Variants in WWOX observed in about 807,000 individuals in gnomAD.
The protein encoded by WWOX is WW domain containing oxidoreductase.
A neutral mutation model predicts 46.2 loss-of-function variants in WWOX; 69 were observed. The ratio of observed to expected loss-of-function variants is 1.49; its 90% CI spans 1.23 to 1.82. WWOX has a LOEUF of 1.82. Ranked by LOEUF, WWOX falls within the 40% of genes most tolerant of loss-of-function variation. WWOX has a pLI of 0.00. For synonymous variants in WWOX, 359 were observed against 202.6 expected, an observed-to-expected ratio of 1.77 and a Z score of -6.56; for missense variants, 919 against 542.6, an observed-to-expected ratio of 1.69 and a Z score of -6.89.
intron 6 of WWOX, among the ~76,000 whole-genome samples, chr16:78,407,043 A>G (rs2082565921): frequency 6.6e-6 from 1 of 152,134 alleles, no homozygotes; most frequent in South Asian, 2.1e-4. Flanking sequence ...AGTAGATTTG[A>G]CCTTACCTGG....
chr16:79,190,021 T>A (rs2150805551), intron 8 of WWOX, among the ~76,000 whole-genome samples: 1 of 152,198 alleles, frequency 6.6e-6, no homozygotes. Flanking sequence ...TCATAACGCC[T>A]TGTTTTTTAA....
chr16:78,899,374 T>A (rs946570739), intron 8 of WWOX: 1 of 152,230 alleles, frequency 6.6e-6, no homozygotes, highest in Non-Finnish European at 1.5e-5. Context: ...GAAACCTAAC[T>A]CCAAATCTTT....
chr16:78,497,024 A>C (rs1416484992), intron 8 of WWOX, among the ~76,000 whole-genome samples: 2 of 152,252 alleles, frequency 1.3e-5, no homozygotes, highest in Non-Finnish European at 2.9e-5. Flanking sequence ...GAGGAAGGCA[A>C]AGTCAGAAAT....
chr16:79,129,768 A>G (rs2049837739), intron 8 of WWOX, among the ~76,000 whole-genome samples: 1 of 152,170 alleles, frequency 6.6e-6, no homozygotes, highest in Non-Finnish European at 1.5e-5. Context: ...TGAATTATCT[A>G]GCTCATTCAA....
intron 8 of WWOX, among the ~76,000 whole-genome samples, chr16:78,439,825 T>C (rs1378933031): frequency 1.3e-5 from 2 of 152,218 alleles, no homozygotes; most frequent in African/African-American, 2.4e-5. Flanking sequence ...TCTTTACTTT[T>C]CCCTCATGCT....
At chr16:78,351,119 TA>T (rs2081175285) in intron 5 of WWOX, among the ~76,000 whole-genome samples, 1 of 152,220 alleles carries the variant, frequency 6.6e-6, no homozygotes, top group Admixed American at 6.5e-5. Context: ...GTCACACCTG[TA>T]ATCATGCCCA....
intron 8 of WWOX, among the ~76,000 whole-genome samples, chr16:79,079,568 A>G (rs149714513): frequency 6.6e-6 from 1 of 152,134 alleles, no homozygotes; most frequent in Middle Eastern, 3.4e-3. Flanking sequence ...TGGTGCTTTA[A>G]TTTTTGCCTG....
intron 5 of WWOX, among the ~76,000 whole-genome samples, chr16:78,321,122 TGGG>T (rs1482649384): frequency 6.6e-6 from 1 of 152,038 alleles, no homozygotes; most frequent in South Asian, 2.1e-4. Flanking sequence ...GTAGAAAAGT[TGGG>T]TACATAAAAT....
At chr16:78,900,787 C>T (rs996874411) in intron 8 of WWOX, among the ~76,000 whole-genome samples, 1 of 151,538 alleles carries the variant, frequency 6.6e-6, no homozygotes, top group African/African-American at 2.4e-5. Flanking sequence ...ACGTAATAAC[C>T]TCTCTTTTTT....
At chr16:78,638,033 G>A (rs373414228) in intron 8 of WWOX, among the ~76,000 whole-genome samples, 1 of 152,126 alleles carries the variant, frequency 6.6e-6, no homozygotes, top group South Asian at 2.1e-4. Flanking sequence ...TGGGAAGCTT[G>A]CTCACATCAT....
intron 8 of WWOX, among the ~76,000 whole-genome samples, chr16:78,531,160 A>G (rs1945572585): frequency 6.6e-6 from 1 of 152,236 alleles, no homozygotes; most frequent in Admixed American, 6.5e-5. Context: ...CTCACAATGT[A>G]GAAATTAAGC....
chr16:78,462,860 T>C (rs372482865), intron 8 of WWOX, among the ~76,000 whole-genome samples: 1 of 152,342 alleles, frequency 6.6e-6, no homozygotes, highest in Admixed American at 6.5e-5. Context: ...AAATTTTTGT[T>C]GCTTTCCTGG....
intron 8 of WWOX, among the ~76,000 whole-genome samples, chr16:78,911,105 A>G (rs1253556339): frequency 6.6e-6 from 1 of 151,932 alleles, no homozygotes; most frequent in Non-Finnish European, 1.5e-5. Flanking sequence ...TGTTCTCCCC[A>G]GTTGCAGACC....
intron 8 of WWOX, among the ~76,000 whole-genome samples, chr16:78,450,183 A>T (rs2083659923): frequency 6.6e-6 from 1 of 152,192 alleles, no homozygotes; most frequent in Non-Finnish European, 1.5e-5. Flanking sequence ...TCCCCTATGA[A>T]ATATCAAGCT....
intron 8 of WWOX, among the ~76,000 whole-genome samples, chr16:78,723,589 T>C (rs188810843): frequency 0.015 from 446 of 29,278 alleles, 7 homozygotes; most frequent in African/African-American, 0.093. Context: ...TTTCTTTTCT[T>C]TTCTTTTCTT....
intron 8 of WWOX, among the ~76,000 whole-genome samples, chr16:79,167,483 G>C (rs546239146): frequency 6.6e-6 from 1 of 152,112 alleles, no homozygotes; most frequent in Non-Finnish European, 1.5e-5. Flanking sequence ...GTAAGGAGCT[G>C]GCATCTCTGG....
chr16:78,417,818 A>G (rs1443089767), intron 6 of WWOX, among the ~76,000 whole-genome samples: 1 of 152,192 alleles, frequency 6.6e-6, no homozygotes, highest in African/African-American at 2.4e-5. Flanking sequence ...TGACAATTGT[A>G]GTGGGCACCC....
chr16:78,710,286 G>A (rs1452559638), intron 8 of WWOX, among the ~76,000 whole-genome samples: 2 of 151,242 alleles, frequency 1.3e-5, no homozygotes, highest in Non-Finnish European at 2.9e-5. Flanking sequence ...ACAGTTAACT[G>A]CAGGGAGATT....
chr16:78,646,373 A>C (rs1416917463), intron 8 of WWOX, among the ~76,000 whole-genome samples: 1 of 152,024 alleles, frequency 6.6e-6, no homozygotes, highest in Non-Finnish European at 1.5e-5. Flanking sequence ...AGGTCCCTCC[A>C]TCCTCCATCT....
Sources: allele counts gnomAD v4.1 joint callset (sites outside exome capture counted in the v4.1 genomes callset), GRCh38; gene constraint gnomAD v4.1.1; transcripts MANE v1.5; gene names NCBI Gene and HGNC (gene_info 2026-07-23, HGNC 2026-07-21).